The following COL24A1 variants were observed in gnomAD, a reference collection of about 807,000 sequenced individuals.
COL24A1 encodes the protein collagen alpha-1(XXIV) chain.
In COL24A1, 224 loss-of-function variants were observed where a neutral mutation model predicts 253.9. The observed-to-expected ratio is 0.88, with a 90% CI of 0.79 to 0.99. The LOEUF is 0.99. COL24A1 is among the 50% of genes least tolerant of loss of function. The pLI is 0.00. For missense variants in COL24A1, 2,131 were observed against 2,068.5 expected (o/e 1.03, Z -0.59); for synonymous variants, 685 against 673.7 (o/e 1.02, Z -0.26).
intron 24 of COL24A1, among the ~76,000 whole-genome samples, chr1:85,948,672 G>A (rs1271619364): frequency 6.6e-6 from 1 of 151,164 alleles, no homozygotes; most frequent in Non-Finnish European, 1.5e-5. Context: ...CAACACCAAG[G>A]AGTCAAAAAA....
chr1:86,088,478 C>T (rs1001524000), intron 7 of COL24A1, among the ~76,000 whole-genome samples: 3 of 152,076 alleles, frequency 2.0e-5, no homozygotes, highest in Non-Finnish European at 2.9e-5. Flanking sequence ...AAAAAACAAG[C>T]TGACCAGGTA....
chr1:86,088,757 A>C (rs532539551), intron 7 of COL24A1, among the ~76,000 whole-genome samples: 1 of 152,352 alleles, frequency 6.6e-6, no homozygotes, highest in South Asian at 2.1e-4. Context: ...CCTATAAGCA[A>C]GTAAACCTCA....
intron 39 of COL24A1, 103 bp from the exon 40 acceptor site, chr1:85,842,496 A>C (rs950273476): frequency 3.7e-6 from 3 of 815,742 alleles, no homozygotes; most frequent in Non-Finnish European, 5.8e-6. Flanking sequence ...TAGATTTTTC[A>C]TGGTTGAAAT....
rs1363736664 is a variant in COL24A1 at position 85,869,373 on chromosome 1, G to A, written c.3139-538C>T. On this transcript the variant is annotated intron_variant, in intron 35 of 59. Coordinates refer to ENST00000370571, the MANE Select transcript of COL24A1 (RefSeq NM_152890.7). Reference sequence around the variant, plus strand: ...ACCACAAAGATACTCCTTGAGAAGAGCAACTCCAAGACACATAATTGTCAG... The same window carrying A: ...ACCACAAAGATACTCCTTGAGAAGAACAACTCCAAGACACATAATTGTCAG... Among the ~76,000 whole-genome samples, 4 of 152,188 alleles carry A rather than the reference G, an allele frequency of 2.6e-5. No individual in the cohort carries two copies. In the East Asian group the frequency reaches 7.7e-4, roughly 29 times the overall value.
chr1:85,895,977 GA>G (rs776818539), intron 30 of COL24A1, 43 bp downstream of exon 30: 51 of 1,597,780 alleles, frequency 3.2e-5, no homozygotes, highest in Non-Finnish European at 3.6e-5. Flanking sequence ...AAACAAAAAA[GA>G]CTTAAAATGT....
chr1:85,960,883 CAATA>C (rs71078631), intron 24 of COL24A1: 6,074 of 159,846 alleles, frequency 0.038, 130 homozygotes, highest in African/African-American at 0.059. Context: ...GACTCCATCT[CAATA>C]AATAAATAAA....
At position 85,729,290 on chromosome 1, in the gene COL24A1, A is replaced by T. The variant is rs966040325; in HGVS notation, c.*1256T>A. ...TAAGTGTGGTTTGCTGTGGCTAAAG[A>T]TATATTTATAATGGATGAACAAGCT... On this transcript the variant is annotated 3_prime_UTR_variant, in exon 60 of 60. Coordinates refer to ENST00000370571, the MANE Select transcript of COL24A1 (RefSeq NM_152890.7). The T allele has an allele frequency of 6.6e-6, 1 of 152,160 alleles. No individual in the cohort carries two copies. The highest frequency in any genetic ancestry group is 6.5e-5 in the Admixed American group (1 of 15,274). 9.4% of individuals were successfully genotyped at this position (152,160 alleles called of 1,614,324 possible). A position where few individuals can be genotyped will look rare whatever the true frequency, so the allele number is the denominator to read the frequency against.
At chr1:85,799,379 T>TAAA (rs66952563) in intron 47 of COL24A1, among the ~76,000 whole-genome samples, 2 of 112,310 alleles carry the variant, frequency 1.8e-5, no homozygotes, top group South Asian at 2.9e-4. Context: ...GTGCCATGAC[T>TAAA]AAAAAAAAAA....
At chr1:85,761,373 A>C (rs1329319241) in intron 55 of COL24A1, 23 bp downstream of exon 55, 2 of 1,613,594 alleles carry the variant, frequency 1.2e-6, no homozygotes, top group South Asian at 1.1e-5. Flanking sequence ...AAAACAAAAC[A>C]AAATCAAACC....
intron 19 of COL24A1, among the ~76,000 whole-genome samples, chr1:86,011,418 C>T (rs1157180097): frequency 1.3e-5 from 2 of 152,084 alleles, no homozygotes; most frequent in African/African-American, 4.8e-5. Context: ...ATAATTAGTT[C>T]ACTGGGCTAA....
At chr1:86,027,046 C>A (rs113386773) in intron 14 of COL24A1, among the ~76,000 whole-genome samples, 1 of 152,000 alleles carries the variant, frequency 6.6e-6, no homozygotes, top group South Asian at 2.1e-4. Context: ...GGATATCTGG[C>A]GGAAGAAATT....
intron 57 of COL24A1, 126 bp downstream of exon 57, chr1:85,744,540 A>T: frequency 3.0e-6 from 2 of 657,608 alleles, no homozygotes; most frequent in South Asian, 2.3e-5. Context: ...TGATGACATT[A>T]AAATGGCTTC....
chr1:86,034,177 T>C (rs1176882302), intron 12 of COL24A1, among the ~76,000 whole-genome samples: 1 of 152,104 alleles, frequency 6.6e-6, no homozygotes, highest in African/African-American at 2.4e-5. Context: ...AAAACAAAAT[T>C]GGAGAAGTTT....
chr1:86,007,107 C>T, intron 19 of COL24A1, among the ~76,000 whole-genome samples: 2 of 152,140 alleles, frequency 1.3e-5, no homozygotes, highest in African/African-American at 4.8e-5. Context: ...CCTCCCTACT[C>T]AGGCGGCTGA....
chr1:85,746,850 G>A (rs374053118), intron 55 of COL24A1, among the ~76,000 whole-genome samples: 36 of 152,204 alleles, frequency 2.4e-4, no homozygotes, highest in African/African-American at 6.7e-4. Context: ...TCCTGCTTGC[G>A]TGAATGAGCA....
intron 24 of COL24A1, among the ~76,000 whole-genome samples, chr1:85,921,577 A>G (rs991182828): frequency 2.0e-5 from 3 of 152,218 alleles, no homozygotes; most frequent in Non-Finnish European, 2.9e-5. Flanking sequence ...CCTGCAGCTG[A>G]GGGACCTGAC....
chr1:85,927,298 C>A (rs553115640), intron 24 of COL24A1, among the ~76,000 whole-genome samples: 2 of 152,298 alleles, frequency 1.3e-5, no homozygotes, highest in Admixed American at 6.5e-5. Context: ...AGTTCCCTTT[C>A]CGAGTCAAAG....
intron 19 of COL24A1, among the ~76,000 whole-genome samples, chr1:86,006,403 A>G (rs1695962319): frequency 6.6e-6 from 1 of 152,364 alleles, no homozygotes; most frequent in East Asian, 1.9e-4. Context: ...AGGCAGTACA[A>G]TGGAGCAAAG....
chr1:86,040,369 G>A (rs966051680), intron 12 of COL24A1, among the ~76,000 whole-genome samples: 9 of 151,322 alleles, frequency 5.9e-5, no homozygotes, highest in Non-Finnish European at 1.2e-4. Flanking sequence ...CAATGTGCAG[G>A]TTAGTTACAT....
Sources: allele counts gnomAD v4.1 joint callset (sites outside exome capture counted in the v4.1 genomes callset), GRCh38; gene constraint gnomAD v4.1.1; transcripts MANE v1.5; gene names NCBI Gene and HGNC (gene_info 2026-07-23, HGNC 2026-07-21).